SP100: variants seen among roughly 807,000 people sequenced by gnomAD.
SP100 encodes nuclear autoantigen Sp-100.
SP100 carries 84 observed loss-of-function variants against 130.0 expected under a neutral mutation model. That is an observed-to-expected ratio of 0.65 (90% CI 0.54 to 0.77). The LOEUF is 0.77. SP100 is among the 30% of genes least tolerant of loss of function. SP100 has a pLI of 0.00. For synonymous variants in SP100, 331 were observed against 351.7 expected (o/e 0.94, Z 0.66); for missense variants, 978 against 1,052.2 (o/e 0.93, Z 0.97).
chr2:230,540,869 C>T lies in SP100; in HGVS notation c.2211-7C>T, dbSNP rs1472384687. ...TGCCATTGCTCACTTTATGCCCCAT[C>T]TCTCAGGAACCCGTGGAGTTGCATC... On this transcript the variant is annotated splice_region_variant and splice_polypyrimidine_tract_variant and intron_variant, in intron 25 of 28. Coordinates refer to ENST00000340126, the MANE Select transcript of SP100 (RefSeq NM_001080391.2). 5.6e-6 allele frequency: 9 copies of T among 1,609,418 alleles called. No homozygotes were observed. Among genetic ancestry groups the T allele is most frequent in the Non-Finnish European group, 7.6e-6 (9 of 1,177,086 alleles).
chr2:230,458,178 A>T (rs2064384461), intron 8 of SP100, among the ~76,000 whole-genome samples: 1 of 152,238 alleles, frequency 6.6e-6, no homozygotes, highest in South Asian at 2.1e-4. Context: ...AAACTTAACA[A>T]CTGCTGTTGA....
chr2:230,436,128 G>A (rs2149886156), intron 2 of SP100, among the ~76,000 whole-genome samples: 1 of 152,114 alleles, frequency 6.6e-6, no homozygotes, highest in South Asian at 2.1e-4. Context: ...CATAATCTCT[G>A]TTTATTTAGA....
chr2:230,480,922 T>C lies in SP100; in HGVS notation c.1600+6475T>C, dbSNP rs1313266336. Among the ~76,000 whole-genome samples the C allele has an allele frequency of 3.3e-5, 5 of 152,082 alleles. No individual in the cohort carries two copies. In the East Asian group the frequency reaches 9.6e-4, roughly 29 times the overall value. ...TTGGGCCATGTGGATGGATGCATTC[T>C]CTTCTCTTGTCTTCTGGAACACCCC... is the stretch of plus-strand genomic sequence containing the variant. On this transcript the variant is annotated intron_variant, in intron 17 of 28. Coordinates refer to ENST00000340126, the MANE Select transcript of SP100 (RefSeq NM_001080391.2).
chr2:230,438,553 C>T (rs1358080373), intron 2 of SP100, among the ~76,000 whole-genome samples: 1 of 151,768 alleles, frequency 6.6e-6, no homozygotes, highest in Admixed American at 6.6e-5. Flanking sequence ...AGTTGCTTCA[C>T]TTAGAATAAT....
At chr2:230,502,710 T>A (rs113609868) in intron 19 of SP100, among the ~76,000 whole-genome samples, 1,877 of 152,252 alleles carry the variant, frequency 0.012, 43 homozygotes, top group African/African-American at 0.043. Context: ...ATAGGATACA[T>A]CTCAGTTAAG....
At chr2:230,436,677 A>G (rs1020382329) in intron 2 of SP100, among the ~76,000 whole-genome samples, 1 of 152,200 alleles carries the variant, frequency 6.6e-6, no homozygotes, top group Non-Finnish European at 1.5e-5. Flanking sequence ...CAGTGTGAAA[A>G]TGGACTAATA....
intron 24 of SP100, among the ~76,000 whole-genome samples, chr2:230,513,868 G>T (rs1370972480): frequency 6.6e-6 from 1 of 152,180 alleles, no homozygotes; most frequent in African/African-American, 2.4e-5. Flanking sequence ...AAGTAGTTGC[G>T]GTTTTCGCCA....
intron 2 of SP100, among the ~76,000 whole-genome samples, chr2:230,437,830 A>G (rs897548749): frequency 7.9e-5 from 12 of 152,174 alleles, no homozygotes; most frequent in Non-Finnish European, 8.8e-5. Context: ...CTCTGGGATT[A>G]CAGGCATGAG....
chr2:230,417,184 A>C (rs1327534467), intron 1 of SP100, among the ~76,000 whole-genome samples: 1 of 152,136 alleles, frequency 6.6e-6, no homozygotes, highest in Non-Finnish European at 1.5e-5. Context: ...ATATTTTTCT[A>C]TGCATTTATA....
At chr2:230,533,438 T>A (rs1318928676) in intron 24 of SP100, among the ~76,000 whole-genome samples, 1 of 152,206 alleles carries the variant, frequency 6.6e-6, no homozygotes, top group Non-Finnish European at 1.5e-5. Context: ...GTTTGTGACA[T>A]GTCACAGAAA....
Position 230,542,872 on chromosome 2 carries a change from G to T in SP100, c.2584G>T (p.Asp862Tyr), listed in dbSNP as rs1692234446. ...CACCAGACTGGGAATTCAAGTACAG[G>T]ACATCTTTGAGAAGAATTTCAGAAA... Reference protein sequence around the residue: ...KFTRLGIQVQDIFEKNFRNIF... With the variant: ...KFTRLGIQVQYIFEKNFRNIF... The change falls in exon 29 of 29, where the codon GAC becomes TAC. Residue 862 changes from aspartate (D) to tyrosine (Y), a missense_variant. Coordinates refer to ENST00000340126, the MANE Select transcript of SP100 (RefSeq NM_001080391.2). The T allele has an allele frequency of 4.3e-6, 7 of 1,612,356 alleles. No individual in the cohort carries two copies. The highest frequency in any genetic ancestry group is 5.1e-6 in the Non-Finnish European group (6 of 1,178,572).
intron 6 of SP100, 79 bp from the exon 7 acceptor site, chr2:230,449,482 G>T: frequency 6.7e-7 from 1 of 1,499,520 alleles, no homozygotes; most frequent in Non-Finnish European, 9.3e-7. Flanking sequence ...TCCATCAGTG[G>T]CCCGTGCTGT....
chr2:230,438,609 C>A (rs1414689505), intron 2 of SP100, among the ~76,000 whole-genome samples: 1 of 146,816 alleles, frequency 6.8e-6, no homozygotes, highest in Non-Finnish European at 1.5e-5. Context: ...TTATTGCATT[C>A]CTTTTTATGG....
rs1459137020 is a variant in SP100, at chr2:230,543,119, T to G, written c.*173T>G. ...TTCAATAAAATTCAACACCCCTTCATGTTAAAAATTCTCAATAAGCTAGGT... is the reference window on the plus strand; with the variant it reads ...TTCAATAAAATTCAACACCCCTTCAGGTTAAAAATTCTCAATAAGCTAGGT... On this transcript the variant is annotated 3_prime_UTR_variant, in exon 29 of 29. Coordinates refer to ENST00000340126, the MANE Select transcript of SP100 (RefSeq NM_001080391.2). 6 of 480,284 alleles carry G rather than the reference T, an allele frequency of 1.2e-5. No homozygotes were observed. The highest frequency in any genetic ancestry group is 2.2e-5 in the Non-Finnish European group (6 of 268,110). The allele number at this position is 480,284 out of a possible 1,614,324, so 29.8% of individuals were successfully genotyped here.
At chr2:230,494,299 AGCCCC>A (rs1243613798) in intron 17 of SP100, 112 bp from the exon 18 acceptor site, 1 of 780,066 alleles carries the variant, frequency 1.3e-6, no homozygotes, top group Non-Finnish European at 2.2e-6. Flanking sequence ...CCGAGGACTT[AGCCCC>A]GCAAAAGTAG....
At chr2:230,505,959 G>T (rs1282643656) in intron 21 of SP100, among the ~76,000 whole-genome samples, 2 of 152,136 alleles carry the variant, frequency 1.3e-5, no homozygotes, top group African/African-American at 4.8e-5. Flanking sequence ...TCTATATCAG[G>T]TCTCAGAGAA....
At chr2:230,471,258 T>A (rs1290650185) in intron 15 of SP100, among the ~76,000 whole-genome samples, 1 of 151,754 alleles carries the variant, frequency 6.6e-6, no homozygotes. Context: ...GGCAGAAAAA[T>A]GAGAAGTGAG....
Position 230,417,633 on chromosome 2 carries a change from C to A in SP100, c.75C>A (p.Asn25Lys). 6.2e-7 allele frequency: 1 copy of A among 1,613,178 alleles called. No homozygotes were observed. Residue 25 changes from asparagine to lysine, a missense_variant, in exon 2 of 29, where the codon AAC (asparagine) becomes AAA (lysine). Coordinates refer to ENST00000340126, the MANE Select transcript of SP100 (RefSeq NM_001080391.2). ...ECISPVANEMNHLPAHSHDLQ... is the reference protein window; with the variant it reads ...ECISPVANEMKHLPAHSHDLQ... ...TTTCACCAGTAGCAAATGAGATGAA[C>A]CATCTTCCTGCACACAGCCACGATT... is the stretch of plus-strand genomic sequence containing the variant.
At chr2:230,542,096 C>A in intron 28 of SP100, 61 bp downstream of exon 28, 2 of 1,541,520 alleles carry the variant, frequency 1.3e-6, no homozygotes, top group Non-Finnish European at 9.0e-7. Flanking sequence ...GTCACTTTCC[C>A]TGTCATCTTT....
Sources: allele counts gnomAD v4.1 joint callset (sites outside exome capture counted in the v4.1 genomes callset), GRCh38; gene constraint gnomAD v4.1.1; transcripts MANE v1.5; gene names NCBI Gene and HGNC (gene_info 2026-07-23, HGNC 2026-07-21).